The following HECW1 variants were observed in gnomAD, a reference collection of about 807,000 sequenced individuals.
HECW1 encodes the protein HECT, C2 and WW domain containing E3 ubiquitin protein ligase 1.
HECW1 carries 61 observed loss-of-function variants against 182.3 expected under a neutral mutation model. The ratio of observed to expected loss-of-function variants is 0.33; its 90% CI spans 0.27 to 0.41. The LOEUF is 0.41. Ranked by LOEUF, HECW1 falls within the 10% of genes least tolerant of loss-of-function variation. The pLI, the probability that HECW1 is intolerant of heterozygous loss-of-function variation, is 1.00. For missense variants in HECW1, 1,739 were observed against 2,108.9 expected, an observed-to-expected ratio of 0.82 and a Z score of 3.44; for synonymous variants, 859 against 832.6, an observed-to-expected ratio of 1.03 and a Z score of -0.55.
intron 2 of HECW1, among the ~76,000 whole-genome samples, chr7:43,180,465 G>A (rs561819603): frequency 6.6e-6 from 1 of 151,800 alleles, no homozygotes; most frequent in East Asian, 1.9e-4. Context: ...GTGCGATCTC[G>A]GCTCACTGCA....
intron 6 of HECW1, among the ~76,000 whole-genome samples, chr7:43,367,453 A>T (rs1584650106): frequency 6.6e-6 from 1 of 152,344 alleles, no homozygotes; most frequent in East Asian, 1.9e-4. Context: ...TGAAGAAGTT[A>T]TACAGTACAA....
intron 27 of HECW1, 74 bp downstream of exon 27, chr7:43,550,665 C>T: frequency 6.9e-7 from 1 of 1,439,840 alleles, no homozygotes; most frequent in Non-Finnish European, 9.5e-7. Flanking sequence ...CTCCAGGCTC[C>T]CTGAGGGAGC....
At chr7:43,522,766 A>T (rs2080552619) in intron 24 of HECW1, among the ~76,000 whole-genome samples, 3 of 152,162 alleles carry the variant, frequency 2.0e-5, no homozygotes, top group Admixed American at 2.0e-4. Context: ...CAAACCCTGA[A>T]CTCAGCCCAC....
intron 5 of HECW1, among the ~76,000 whole-genome samples, chr7:43,327,274 C>T (rs1324673447): frequency 6.6e-6 from 1 of 152,164 alleles, no homozygotes; most frequent in Non-Finnish European, 1.5e-5. Flanking sequence ...TACATATCTG[C>T]AAGATAATAG....
At chr7:43,377,398 G>A (rs2074375244) in intron 6 of HECW1, among the ~76,000 whole-genome samples, 1 of 152,148 alleles carries the variant, frequency 6.6e-6, no homozygotes, top group South Asian at 2.1e-4. Context: ...TTACTCAAGA[G>A]TTTGTGGTTC....
chr7:43,177,223 T>G (rs1179699379), intron 2 of HECW1, among the ~76,000 whole-genome samples: 1 of 152,212 alleles, frequency 6.6e-6, no homozygotes, highest in African/African-American at 2.4e-5. Context: ...ATTAAGTGGC[T>G]CAGCTTCTGT....
At chr7:43,175,171 T>G (rs915424596) in intron 2 of HECW1, among the ~76,000 whole-genome samples, 6 of 151,842 alleles carry the variant, frequency 4.0e-5, no homozygotes, top group African/African-American at 9.7e-5. Context: ...ACACGATGTG[T>G]GTGTACACAT....
intron 2 of HECW1, among the ~76,000 whole-genome samples, chr7:43,157,413 A>G (rs906687602): frequency 2.0e-5 from 3 of 152,250 alleles, no homozygotes; most frequent in African/African-American, 7.2e-5. Flanking sequence ...TTCTGAGTAG[A>G]CTATTAAAAT....
chr7:43,474,232 G>C (rs1009666962), intron 16 of HECW1, among the ~76,000 whole-genome samples: 1 of 152,126 alleles, frequency 6.6e-6, no homozygotes, highest in African/African-American at 2.4e-5. Flanking sequence ...GGTGGATCAC[G>C]AGGTCAGCAG....
intron 8 of HECW1, among the ~76,000 whole-genome samples, chr7:43,429,559 T>C (rs2076478280): frequency 6.6e-6 from 1 of 152,028 alleles, no homozygotes; most frequent in Non-Finnish European, 1.5e-5. Context: ...CTAATGGAGT[T>C]GTCTATCATT....
chr7:43,214,345 A>G (rs1427002033), intron 2 of HECW1, among the ~76,000 whole-genome samples: 1 of 152,308 alleles, frequency 6.6e-6, no homozygotes, highest in East Asian at 1.9e-4. Context: ...AAAGAATGCC[A>G]TCTAAAGAAC....
intron 8 of HECW1, among the ~76,000 whole-genome samples, chr7:43,408,849 T>G (rs1018094792): frequency 3.9e-5 from 6 of 152,122 alleles, no homozygotes; most frequent in African/African-American, 1.4e-4. Context: ...AGTTTTACAG[T>G]CATAGAAACC....
At chr7:43,369,350 C>T (rs895719709) in intron 6 of HECW1, among the ~76,000 whole-genome samples, 3 of 151,932 alleles carry the variant, frequency 2.0e-5, no homozygotes, top group Non-Finnish European at 4.4e-5. Context: ...CCCAGCTACT[C>T]GGGAGGCTGA....
chr7:43,541,621 T>A lies in HECW1; in HGVS notation c.4119-248T>A, dbSNP rs571966079. On this transcript the variant is annotated intron_variant, in intron 25 of 29. Transcript: ENST00000395891. The stretch of plus-strand genomic sequence containing the variant: ...AAATGATAGTTTTCTCCAATTTTCA[T>A]GCAGAGTCCCTGAGTCAATAGTTAT... Among the ~76,000 whole-genome samples the A allele has an allele frequency of 8.5e-5, 13 of 152,358 alleles. No homozygotes were observed. In the South Asian group the frequency reaches 2.7e-3, roughly 32 times the overall value.
At chr7:43,116,406 C>T (rs533025469) in intron 2 of HECW1, among the ~76,000 whole-genome samples, 1 of 152,216 alleles carries the variant, frequency 6.6e-6, no homozygotes. Flanking sequence ...AGTCCTGGTT[C>T]TATCAACCAG....
chr7:43,161,885 A>G (rs560247158), intron 2 of HECW1, among the ~76,000 whole-genome samples: 1 of 152,180 alleles, frequency 6.6e-6, no homozygotes, highest in Non-Finnish European at 1.5e-5. Context: ...TATAACTGCA[A>G]TGTGACCCGT....
chr7:43,510,677 A>G (rs1401694686), intron 24 of HECW1, among the ~76,000 whole-genome samples: 6 of 152,104 alleles, frequency 3.9e-5, no homozygotes, highest in African/African-American at 1.4e-4. Flanking sequence ...AAAATATCGC[A>G]CTCTGTCCAA....
intron 9 of HECW1, among the ~76,000 whole-genome samples, chr7:43,441,797 CTTCTT>C (rs1002954780): frequency 6.6e-6 from 1 of 152,198 alleles, no homozygotes; most frequent in Non-Finnish European, 1.5e-5. Context: ...AAATGTTACT[CTTCTT>C]TTATTTCTTT....
chr7:43,177,460 A>G (rs774222621), intron 2 of HECW1, among the ~76,000 whole-genome samples: 1 of 152,098 alleles, frequency 6.6e-6, no homozygotes, highest in Non-Finnish European at 1.5e-5. Flanking sequence ...TCCCTCATCA[A>G]GTTTTTCAGT....
Sources: gnomAD v4.1 joint callset for allele counts (sites outside exome capture counted in the v4.1 genomes callset) on GRCh38, gnomAD v4.1.1 for gene constraint, MANE v1.5 for transcripts, NCBI Gene and HGNC (gene_info 2026-07-23, HGNC 2026-07-21) for gene names.